The following DNAH11 variants were observed in gnomAD, a reference collection of about 807,000 sequenced individuals.
The protein encoded by DNAH11 is axonemal beta dynein heavy chain 11.
Under a neutral mutation model 526.0 loss-of-function variants are expected in DNAH11, and 442 were observed. The observed-to-expected ratio is 0.84, with a 90% CI of 0.78 to 0.91. DNAH11 has a LOEUF of 0.91. DNAH11 is among the 40% of genes least tolerant of loss of function. The pLI, the probability that DNAH11 is intolerant of heterozygous loss-of-function variation, is 0.00. For synonymous variants in DNAH11, 2,461 were observed against 1,935.9 expected, an observed-to-expected ratio of 1.27 and a Z score of -7.12; for missense variants, 6,989 against 5,448.7, an observed-to-expected ratio of 1.28 and a Z score of -8.90.
chr7:21,630,100 A>G (rs1583545368), intron 25 of DNAH11, among the ~76,000 whole-genome samples: 1 of 152,064 alleles, frequency 6.6e-6, no homozygotes, highest in Non-Finnish European at 1.5e-5. Flanking sequence ...CATTGTGGTT[A>G]CCATGAGTCG....
At chr7:21,755,761 TAGA>T (rs1786603617) in intron 54 of DNAH11, among the ~76,000 whole-genome samples, 2 of 152,162 alleles carry the variant, frequency 1.3e-5, no homozygotes, top group African/African-American at 4.8e-5. Context: ...TCTTTCTGAT[TAGA>T]AGGCTCCCAT....
chr7:21,786,585 A>G (rs778405778), intron 58 of DNAH11, 39 bp from the exon 59 acceptor site: 2 of 1,573,580 alleles, frequency 1.3e-6, no homozygotes, highest in African/African-American at 2.7e-5. Context: ...ACTTCCGCTA[A>G]TCCTGTCTGT....
At chr7:21,683,181 A>G (rs1380345613) in intron 31 of DNAH11, among the ~76,000 whole-genome samples, 3 of 149,750 alleles carry the variant, frequency 2.0e-5, no homozygotes, top group Non-Finnish European at 4.4e-5. Context: ...GTATACAGTA[A>G]TTTTGGTAAG....
At chr7:21,841,656 G>C (rs1005083009) in intron 65 of DNAH11, among the ~76,000 whole-genome samples, 1 of 152,208 alleles carries the variant, frequency 6.6e-6, no homozygotes, top group Non-Finnish European at 1.5e-5. Context: ...GTCCAGGGCT[G>C]GTTCCCACCT....
In DNAH11 at chr7:21,720,709, A is replaced by G. The variant is rs1243821276; in HGVS notation, c.7135-16A>G. 1.9e-6 allele frequency: 3 copies of G among 1,538,936 alleles called. No individual in the cohort carries two copies. The South Asian group carries it at 3.8e-5, about 19-fold the overall frequency. ...TAAAAAAATGTTGCCTTATTTGACTATTTCTTTTTCTTTAGACTCTATGTG... is the reference window on the plus strand; with the variant it reads ...TAAAAAAATGTTGCCTTATTTGACTGTTTCTTTTTCTTTAGACTCTATGTG... On this transcript the variant is annotated splice_polypyrimidine_tract_variant and intron_variant, in intron 43 of 81. Transcript: ENST00000409508.
At chr7:21,765,909 A>G (rs1382424963) in intron 55 of DNAH11, among the ~76,000 whole-genome samples, 4 of 152,122 alleles carry the variant, frequency 2.6e-5, no homozygotes, top group South Asian at 2.1e-4. Context: ...ACTTCCTTGA[A>G]TCATAATGGG....
chr7:21,698,284 G>A, intron 36 of DNAH11, 71 bp downstream of exon 36: 1 of 1,573,040 alleles, frequency 6.4e-7, no homozygotes, highest in Admixed American at 2.0e-5. Flanking sequence ...ATGGATTTTA[G>A]GTAATTTATC....
chr7:21,840,734 C>T (rs1266943669), intron 65 of DNAH11, among the ~76,000 whole-genome samples: 1 of 152,046 alleles, frequency 6.6e-6, no homozygotes. Context: ...AAAAAAATAA[C>T]ATGAATTAAG....
intron 62 of DNAH11, among the ~76,000 whole-genome samples, chr7:21,804,139 T>C (rs1000197602): frequency 6.6e-6 from 1 of 151,548 alleles, no homozygotes; most frequent in Non-Finnish European, 1.5e-5. Context: ...GACGGAGTCT[T>C]GCTCTGTTGC....
chr7:21,873,092 T>G lies in DNAH11; in HGVS notation c.11968-182T>G, dbSNP rs560714981. On this transcript the variant is annotated intron_variant, in intron 73 of 81. Transcript: ENST00000409508. ...GTTCAAGGTTCAATTCCCTTTTGGC[T>G]TTTTTTTTTTTTGATGTATTGATGT... is the stretch of plus-strand genomic sequence containing the variant. Among the ~76,000 whole-genome samples the G allele has an allele frequency of 7.7e-4, 95 of 123,674 alleles. 1 individual carries two copies. The highest frequency in any genetic ancestry group is 3.7e-3 in the African/African-American group (91 of 24,342). 81.1% of individuals were successfully genotyped at this position (123,674 alleles called of 152,430 possible).
At position 21,591,274 on chromosome 7, in the gene DNAH11, G is replaced by A; in HGVS notation, c.2364G>A (p.Glu788=). The change falls in exon 14 of 82, where the codon GAG becomes GAA. Residue 788 remains glutamate, a synonymous_variant. Transcript: ENST00000409508. ...TTGAATACCCTCTGATTGAAGATGA[G>A]CTGAGGGCTATTGACGAGCAGCTGA... is the stretch of plus-strand genomic sequence containing the variant. ...LEVEYPLIED[E]LRAIDEQLTA... 3.1e-6 allele frequency: 5 copies of A among 1,612,506 alleles called. No homozygotes were observed. Among genetic ancestry groups the A allele is most frequent in the Non-Finnish European group, 4.2e-6 (5 of 1,178,998 alleles).
chr7:21,859,226 G>A (rs1782965561), intron 68 of DNAH11, among the ~76,000 whole-genome samples: 1 of 152,064 alleles, frequency 6.6e-6, no homozygotes, highest in Non-Finnish European at 1.5e-5. Context: ...CGATTCTCCT[G>A]TCCCAGCCCC....
At chr7:21,798,458 T>G (rs1235128345) in intron 61 of DNAH11, among the ~76,000 whole-genome samples, 1 of 152,186 alleles carries the variant, frequency 6.6e-6, no homozygotes, top group Non-Finnish European at 1.5e-5. Flanking sequence ...CCATGTGTGA[T>G]TTGACTGGGA....
chr7:21,718,685 A>G (rs1303226699), intron 43 of DNAH11, among the ~76,000 whole-genome samples: 1 of 152,182 alleles, frequency 6.6e-6, no homozygotes, highest in Non-Finnish European at 1.5e-5. Flanking sequence ...CAGCCCTTAG[A>G]AGTAGAAGAC....
In DNAH11 at chr7:21,571,839, C is replaced by G. The variant is rs759291863; in HGVS notation, c.1459C>G (p.Leu487Val). The G allele has an allele frequency of 6.8e-6, 11 of 1,612,868 alleles. No homozygotes were observed. Among genetic ancestry groups the G allele is most frequent in the Non-Finnish European group, 8.5e-6 (10 of 1,179,416 alleles). ...IFATTLEFEK[L>V]ERLEFGGTKG... is the part of the protein sequence containing the mutation. ...TGCCACCACTTTGGAATTTGAAAAG[C>G]TGGAAAGACTGGAATTTGGTGGTAC... Residue 487 changes from leucine to valine, a missense_variant, in exon 8 of 82, where the codon CTG (leucine) becomes GTG (valine). Leu to Val is a conservative substitution (Grantham distance 32). Transcript: ENST00000409508.
chr7:21,693,598 T>C (rs1174946594), intron 35 of DNAH11, among the ~76,000 whole-genome samples: 1 of 152,236 alleles, frequency 6.6e-6, no homozygotes, highest in African/African-American at 2.4e-5. Flanking sequence ...ACCTAGAGAT[T>C]TTTATTGGAA....
At chr7:21,748,779 T>A (rs772450341) in intron 52 of DNAH11, 37 bp downstream of exon 52, 1 of 1,577,868 alleles carries the variant, frequency 6.3e-7, no homozygotes, top group Non-Finnish European at 8.6e-7. Flanking sequence ...CTGACCCTTC[T>A]GCTTGGCAGA....
chr7:21,851,539 C>T, intron 66 of DNAH11: 2 of 471,358 alleles, frequency 4.2e-6, no homozygotes, highest in South Asian at 3.1e-5. Flanking sequence ...GTTACTTTCC[C>T]TCTGAGCTTA....
intron 20 of DNAH11, 137 bp from the exon 21 acceptor site, chr7:21,614,977 G>T: frequency 2.9e-6 from 3 of 1,026,916 alleles, no homozygotes; most frequent in Non-Finnish European, 4.1e-6. Flanking sequence ...CATTTTGCCA[G>T]TAATTACGCT....
Sources: allele counts gnomAD v4.1 joint callset (sites outside exome capture counted in the v4.1 genomes callset), GRCh38; gene constraint gnomAD v4.1.1; transcripts MANE v1.5; gene names NCBI Gene and HGNC (gene_info 2026-07-23, HGNC 2026-07-21).